The following KIF6 variants were observed in gnomAD, a reference collection of about 807,000 sequenced individuals.
KIF6 encodes the protein kinesin family member 6, also known as kinesin-like protein KIF6.
KIF6 carries 106 observed loss-of-function variants against 112.7 expected under a neutral mutation model. That is an observed-to-expected ratio of 0.94 (90% CI 0.80 to 1.11). The LOEUF is 1.11. Ranked by LOEUF, KIF6 falls within the 50% of genes least tolerant of loss-of-function variation. The pLI, the probability that KIF6 is intolerant of heterozygous loss-of-function variation, is 0.00. For missense variants in KIF6, 929 were observed against 964.0 expected (o/e 0.96, Z 0.48); for synonymous variants, 339 against 339.9 (o/e 1.00, Z 0.03).
chr6:39,335,445 A>G lies in KIF6; in HGVS notation c.*1087T>C, dbSNP rs1213880566. 6.6e-6 allele frequency: 1 copy of G among 152,254 alleles called. No homozygotes were observed. Among genetic ancestry groups the G allele is most frequent in the East Asian group, 1.9e-4 (1 of 5,190 alleles). The allele number at this position is 152,254 out of a possible 1,614,324, so 9.4% of individuals were successfully genotyped here. A position where few individuals can be genotyped will look rare whatever the true frequency, so the allele number is the denominator to read the frequency against. ...TACCCAGTCCTAAAAAACGAAAAAG[A>G]AAATCAAGCCAATTATACTATATTA... On this transcript the variant is annotated 3_prime_UTR_variant, in exon 23 of 23. Transcript: ENST00000287152.
chr6:39,691,516 A>G (rs1788207947), intron 3 of KIF6: 1 of 152,192 alleles, frequency 6.6e-6, no homozygotes, highest in African/African-American at 2.4e-5. Context: ...TTTTGGCTAC[A>G]TAATTTTTTA....
intron 3 of KIF6, among the ~76,000 whole-genome samples, chr6:39,710,397 A>T (rs1207276781): frequency 6.6e-6 from 1 of 151,258 alleles, no homozygotes; most frequent in Admixed American, 6.6e-5. Context: ...CCAGTATCTG[A>T]GGGAAATCTG....
At chr6:39,696,367 T>A (rs1378683930) in intron 3 of KIF6, among the ~76,000 whole-genome samples, 2 of 152,156 alleles carry the variant, frequency 1.3e-5, no homozygotes, top group Admixed American at 1.3e-4. Flanking sequence ...TTTTCCTTCC[T>A]GTTGCCTAGA....
At chr6:39,474,526 G>T (rs974105748) in intron 13 of KIF6, among the ~76,000 whole-genome samples, 2 of 152,196 alleles carry the variant, frequency 1.3e-5, no homozygotes, top group African/African-American at 4.8e-5. Context: ...CATGAACGAA[G>T]GACATCTTAT....
intron 15 of KIF6, among the ~76,000 whole-genome samples, chr6:39,398,354 T>C (rs986530662): frequency 6.6e-6 from 1 of 152,220 alleles, no homozygotes; most frequent in Non-Finnish European, 1.5e-5. Context: ...GAAGCAGAAG[T>C]TGATTTCATT....
chr6:39,601,039 T>G (rs1472832123), intron 6 of KIF6, among the ~76,000 whole-genome samples: 1 of 152,184 alleles, frequency 6.6e-6, no homozygotes, highest in African/African-American at 2.4e-5. Context: ...GCTGTTGATA[T>G]TCACTTTATT....
chr6:39,595,997 A>G (rs1446513064), intron 7 of KIF6, 57 bp downstream of exon 7: 3 of 1,326,190 alleles, frequency 2.3e-6, no homozygotes, highest in South Asian at 1.2e-5. Context: ...GATACATAGT[A>G]TGTGGTCAAC....
chr6:39,508,901 A>G (rs764719767), intron 13 of KIF6, among the ~76,000 whole-genome samples: 1 of 152,188 alleles, frequency 6.6e-6, no homozygotes, highest in Non-Finnish European at 1.5e-5. Flanking sequence ...TTGAGCTCTG[A>G]TAACAAACAG....
chr6:39,534,940 G>C (rs1778324259), intron 13 of KIF6, among the ~76,000 whole-genome samples: 1 of 152,252 alleles, frequency 6.6e-6, no homozygotes, highest in South Asian at 2.1e-4. Context: ...TTTCAACCCA[G>C]AATTTCATAT....
At chr6:39,634,475 A>T (rs1392288847) in intron 5 of KIF6, among the ~76,000 whole-genome samples, 2 of 152,094 alleles carry the variant, frequency 1.3e-5, no homozygotes, top group East Asian at 1.9e-4. Flanking sequence ...CTTGAACTCT[A>T]ATTTGAATAC....
At chr6:39,353,907 A>T in intron 19 of KIF6, 1 of 573,226 alleles carries the variant, frequency 1.7e-6, no homozygotes, top group Non-Finnish European at 3.2e-6. Context: ...AGTGGAGCTA[A>T]GTGTGATGCC....
intron 10 of KIF6, 68 bp from the exon 11 acceptor site, chr6:39,545,756 T>C (rs1779039942): frequency 2.1e-6 from 2 of 931,984 alleles, no homozygotes; most frequent in Non-Finnish European, 3.5e-6. Context: ...TGGCATTATC[T>C]AGTTGGTTAA....
intron 13 of KIF6, among the ~76,000 whole-genome samples, chr6:39,482,055 G>A (rs1041528117): frequency 2.7e-5 from 4 of 149,778 alleles, no homozygotes; most frequent in African/African-American, 4.9e-5. Context: ...ACTGGGACCC[G>A]TGGGAGGCAG....
rs1319649608 is a variant in KIF6 at position 39,586,203 on chromosome 6, C to T, written c.990+58G>A. The T allele has an allele frequency of 2.5e-6, 4 of 1,591,048 alleles. No individual in the cohort carries two copies. The African/African-American group carries it at 5.4e-5, about 21-fold the overall frequency. The stretch of plus-strand genomic sequence containing the variant: ...ACCCACCCAAGAGCCTCAACTCCGT[C>T]TCACGTGCTAGCAGTAAAAACCTAG... On this transcript the variant is annotated intron_variant, in intron 8 of 22. Coordinates refer to ENST00000287152, the MANE Select transcript of KIF6 (RefSeq NM_145027.6).
chr6:39,488,937 C>T (rs1183102001), intron 13 of KIF6, among the ~76,000 whole-genome samples: 1 of 152,142 alleles, frequency 6.6e-6, no homozygotes, highest in East Asian at 1.9e-4. Flanking sequence ...GAGTTGATTC[C>T]CAAACCTTTA....
intron 19 of KIF6, among the ~76,000 whole-genome samples, chr6:39,356,090 G>A (rs1427788666): frequency 6.6e-6 from 1 of 151,586 alleles, no homozygotes; most frequent in Non-Finnish European, 1.5e-5. Flanking sequence ...TCTCACACTT[G>A]GTTTTTGGGG....
At chr6:39,399,844 G>T (rs898769168) in intron 15 of KIF6, among the ~76,000 whole-genome samples, 1 of 152,228 alleles carries the variant, frequency 6.6e-6, no homozygotes, top group Non-Finnish European at 1.5e-5. Context: ...CCTTGTTCAA[G>T]TTTGCCTCAC....
chr6:39,578,484 A>T (rs946132422), intron 9 of KIF6, among the ~76,000 whole-genome samples: 1 of 151,928 alleles, frequency 6.6e-6, no homozygotes, highest in African/African-American at 2.4e-5. Flanking sequence ...GCATGCTACC[A>T]TGCCCGGCTA....
intron 13 of KIF6, among the ~76,000 whole-genome samples, chr6:39,531,648 C>T (rs1778068166): frequency 2.0e-5 from 3 of 152,100 alleles, no homozygotes; most frequent in South Asian, 4.2e-4. Flanking sequence ...ATTGTGGGGC[C>T]AGGGAAGGCA....
Sources: gnomAD v4.1 joint callset for allele counts (sites outside exome capture counted in the v4.1 genomes callset) on GRCh38, gnomAD v4.1.1 for gene constraint, MANE v1.5 for transcripts, NCBI Gene and HGNC (gene_info 2026-07-23, HGNC 2026-07-21) for gene names.